The following NRG3 variants were observed in gnomAD, a reference collection of about 807,000 sequenced individuals.
NRG3 encodes the protein pro-neuregulin-3, membrane-bound isoform.
NRG3 carries 31 observed loss-of-function variants against 66.9 expected under a neutral mutation model. That is an observed-to-expected ratio of 0.46 (90% CI 0.35 to 0.63). The LOEUF is 0.63. NRG3 is among the 20% of genes least tolerant of loss of function. The pLI, the probability that NRG3 is intolerant of heterozygous loss-of-function variation, is 0.00. For synonymous variants in NRG3, 393 were observed against 359.4 expected (o/e 1.09, Z -1.06); for missense variants, 910 against 878.9 (o/e 1.04, Z -0.45).
At chr10:82,567,063 AC>A (rs1401027151) in intron 2 of NRG3, among the ~76,000 whole-genome samples, 6 of 151,938 alleles carry the variant, frequency 3.9e-5, no homozygotes, top group African/African-American at 1.4e-4. Flanking sequence ...CACCATCTAA[AC>A]CCACAGGTTC....
At chr10:82,612,812 G>T (rs1446965458) in intron 2 of NRG3, among the ~76,000 whole-genome samples, 3 of 152,214 alleles carry the variant, frequency 2.0e-5, no homozygotes, top group African/African-American at 7.2e-5. Flanking sequence ...CTTGTTTTGA[G>T]AATTTGACAT....
chr10:82,530,218 A>T (rs1395756418), intron 2 of NRG3, among the ~76,000 whole-genome samples: 2 of 152,096 alleles, frequency 1.3e-5, no homozygotes, highest in Non-Finnish European at 2.9e-5. Context: ...TTCTTGTGTC[A>T]TGATAAAGGC....
At chr10:82,189,108 G>A (rs1210592014) in intron 1 of NRG3, among the ~76,000 whole-genome samples, 2 of 151,938 alleles carry the variant, frequency 1.3e-5, no homozygotes, top group Non-Finnish European at 1.5e-5. Flanking sequence ...ATAAAAGGTA[G>A]CCTCCCACTT....
chr10:82,282,477 C>T (rs1223637712), intron 1 of NRG3, among the ~76,000 whole-genome samples: 1 of 151,928 alleles, frequency 6.6e-6, no homozygotes, highest in Non-Finnish European at 1.5e-5. Flanking sequence ...GGCAGCAGGA[C>T]TGAAAGTTGT....
intron 1 of NRG3, among the ~76,000 whole-genome samples, chr10:82,019,484 A>G (rs4933820): frequency 0.5 from 75,202 of 151,656 alleles, 19,142 homozygotes; most frequent in South Asian, 0.65. Context: ...CTCTTTTTCT[A>G]TTGATTGGAA....
Position 82,607,025 on chromosome 10 carries a change from C to G in NRG3, c.954-131552C>G, listed in dbSNP as rs187585358. Among the ~76,000 whole-genome samples the G allele has an allele frequency of 7.6e-3, 1,160 of 152,268 alleles. 5 individuals carry two copies. Among genetic ancestry groups the G allele is most frequent in the Non-Finnish European group, 0.013 (883 of 68,020 alleles). The stretch of plus-strand genomic sequence containing the variant: ...TGGGGAGGCAGATTTGAGGTTCCCT[C>G]CTGTCTCCTTGTTTGACTGTCCTAC... On this transcript the variant is annotated intron_variant, in intron 2 of 8. Transcript: ENST00000372141.
At chr10:82,484,416 A>G (rs962437314) in intron 2 of NRG3, among the ~76,000 whole-genome samples, 1 of 152,238 alleles carries the variant, frequency 6.6e-6, no homozygotes, top group African/African-American at 2.4e-5. Flanking sequence ...TGAAGACTAA[A>G]TGAGATGATA....
intron 1 of NRG3, among the ~76,000 whole-genome samples, chr10:82,097,541 T>C (rs2066433783): frequency 6.6e-6 from 1 of 150,884 alleles, no homozygotes; most frequent in Non-Finnish European, 1.5e-5. Context: ...TATATATATA[T>C]AGGCACACCC....
intron 2 of NRG3, among the ~76,000 whole-genome samples, chr10:82,462,690 A>G (rs2091573891): frequency 6.6e-6 from 1 of 152,066 alleles, no homozygotes; most frequent in South Asian, 2.1e-4. Flanking sequence ...CTTGATCCCA[A>G]GATTGGGGGT....
chr10:82,116,172 T>A (rs997788219), intron 1 of NRG3, among the ~76,000 whole-genome samples: 1 of 152,082 alleles, frequency 6.6e-6, no homozygotes, highest in East Asian at 1.9e-4. Context: ...CAAAAAAAAT[T>A]TTTTTAGTAG....
chr10:82,778,052 T>G (rs189806824), intron 3 of NRG3, among the ~76,000 whole-genome samples: 1 of 152,302 alleles, frequency 6.6e-6, no homozygotes, highest in East Asian at 1.9e-4. Context: ...GAAGGGTGCC[T>G]GTTAACTCCT....
intron 1 of NRG3, among the ~76,000 whole-genome samples, chr10:81,999,053 T>C (rs778469528): frequency 5.9e-5 from 9 of 152,204 alleles, no homozygotes; most frequent in Non-Finnish European, 8.8e-5. Context: ...TCTGCCTGCC[T>C]CAGCCTCCCA....
At chr10:82,684,050 T>A (rs2134145765) in intron 2 of NRG3, among the ~76,000 whole-genome samples, 1 of 152,242 alleles carries the variant, frequency 6.6e-6, no homozygotes, top group South Asian at 2.1e-4. Context: ...TTCACTGTTT[T>A]AAGTATTGGG....
intron 1 of NRG3, among the ~76,000 whole-genome samples, chr10:82,140,844 T>G (rs529079603): frequency 6.6e-6 from 1 of 152,300 alleles, no homozygotes; most frequent in South Asian, 2.1e-4. Context: ...GTGCTGCTAA[T>G]GTCTCTTAGG....
chr10:82,630,676 C>CAAA (rs376169434), intron 2 of NRG3, among the ~76,000 whole-genome samples: 1 of 132,594 alleles, frequency 7.5e-6, no homozygotes, highest in African/African-American at 2.8e-5. Flanking sequence ...GAAACTCTGT[C>CAAA]AAAAAAAAAA....
chr10:82,555,226 T>A (rs2044575924), intron 2 of NRG3, among the ~76,000 whole-genome samples: 1 of 152,164 alleles, frequency 6.6e-6, no homozygotes. Context: ...ATTATAATCA[T>A]AGTTTTGCAA....
intron 1 of NRG3, among the ~76,000 whole-genome samples, chr10:81,962,830 G>A (rs1417248232): frequency 1.3e-5 from 2 of 152,166 alleles, no homozygotes; most frequent in Non-Finnish European, 2.9e-5. Context: ...TCCAGGGTCT[G>A]TCCTCTTGTT....
intron 1 of NRG3, among the ~76,000 whole-genome samples, chr10:82,053,901 G>A (rs1461575533): frequency 2.0e-5 from 3 of 152,144 alleles, no homozygotes; most frequent in Non-Finnish European, 4.4e-5. Context: ...GGAATGTAAC[G>A]GGAAATTATT....
intron 1 of NRG3, among the ~76,000 whole-genome samples, chr10:82,030,032 G>T (rs556829144): frequency 1.3e-5 from 2 of 152,162 alleles, no homozygotes; most frequent in African/African-American, 2.4e-5. Flanking sequence ...AGTTGAAATC[G>T]TAAGGGGAAC....
Sources: allele counts gnomAD v4.1 joint callset (sites outside exome capture counted in the v4.1 genomes callset), GRCh38; gene constraint gnomAD v4.1.1; transcripts MANE v1.5; gene names NCBI Gene and HGNC (gene_info 2026-07-23, HGNC 2026-07-21).